Variants in ZNF277 observed in about 807,000 individuals in gnomAD.
ZNF277 encodes the protein zinc finger protein 277.
A neutral mutation model predicts 60.7 loss-of-function variants in ZNF277; 55 were observed. That is an observed-to-expected ratio of 0.91 (90% CI 0.73 to 1.13). The LOEUF (loss-of-function observed/expected upper bound fraction) is 1.13. Ranked by LOEUF, ZNF277 falls within the 50% of genes most tolerant of loss-of-function variation. The pLI is 0.00. For missense variants in ZNF277, 510 were observed against 523.0 expected, an observed-to-expected ratio of 0.98 and a Z score of 0.24; for synonymous variants, 178 against 179.3, an observed-to-expected ratio of 0.99 and a Z score of 0.06.
chr7:112,309,072 C>T lies in ZNF277; in HGVS notation c.466-9110C>T, dbSNP rs74678220. Reference sequence around the variant, plus strand: ...GGGTACCTTTTGAATGAAGGCTTTACGATCTACTTTAGGGGGAAAGGGGAA... The same window carrying T: ...GGGTACCTTTTGAATGAAGGCTTTATGATCTACTTTAGGGGGAAAGGGGAA... On this transcript the variant is annotated intron_variant, in intron 4 of 11. Transcript: ENST00000361822. 6.6e-3 allele frequency among the ~76,000 whole-genome samples: 1,002 copies of T among 152,094 alleles called. 11 individuals carry two copies. The highest frequency in any genetic ancestry group is 0.011 in the Non-Finnish European group (767 of 67,974).
intron 1 of ZNF277, among the ~76,000 whole-genome samples, chr7:112,234,937 T>C (rs371442731): frequency 3.3e-5 from 5 of 151,894 alleles, no homozygotes; most frequent in South Asian, 2.1e-4. Flanking sequence ...GTTGTAAACA[T>C]TGATTTGAAG....
intron 1 of ZNF277, among the ~76,000 whole-genome samples, chr7:112,274,300 AGT>A (rs918528455): frequency 6.6e-6 from 1 of 151,892 alleles, no homozygotes; most frequent in African/African-American, 2.4e-5. Context: ...TGGGACCACA[AGT>A]GTGTGCCACC....
At chr7:112,306,504 C>T (rs575853127) in intron 4 of ZNF277, among the ~76,000 whole-genome samples, 8 of 152,056 alleles carry the variant, frequency 5.3e-5, no homozygotes, top group African/African-American at 1.2e-4. Context: ...CGTGAGCCAC[C>T]GCCCCCAGCT....
chr7:112,242,571 AAAC>A (rs1426202719), intron 1 of ZNF277, among the ~76,000 whole-genome samples: 2,346 of 136,126 alleles, frequency 0.017, 30 homozygotes, highest in Non-Finnish European at 0.019. Context: ...AAAAAAAAAA[AAAC>A]AAAATAAAAT....
intron 4 of ZNF277, among the ~76,000 whole-genome samples, chr7:112,302,257 C>T (rs1189481993): frequency 6.6e-6 from 1 of 151,960 alleles, no homozygotes; most frequent in African/African-American, 2.4e-5. Context: ...ATGTGTCTCA[C>T]CTCTCCCCAC....
chr7:112,268,496 A>G (rs968436318), intron 1 of ZNF277, among the ~76,000 whole-genome samples: 2 of 152,086 alleles, frequency 1.3e-5, no homozygotes, highest in Non-Finnish European at 2.9e-5. Context: ...TTCTGTTTGC[A>G]TATGAGATCA....
chr7:112,278,616 C>T (rs1791870970), intron 1 of ZNF277, among the ~76,000 whole-genome samples: 1 of 152,074 alleles, frequency 6.6e-6, no homozygotes, highest in Non-Finnish European at 1.5e-5. Context: ...TTGATTAATT[C>T]ATTTTATGTT....
intron 1 of ZNF277, among the ~76,000 whole-genome samples, chr7:112,264,478 C>G (rs1791501951): frequency 6.6e-6 from 1 of 152,070 alleles, no homozygotes; most frequent in African/African-American, 2.4e-5. Context: ...ACCTAAGCAT[C>G]TAACCTGAAG....
intron 4 of ZNF277, among the ~76,000 whole-genome samples, chr7:112,306,932 T>C (rs574186156): frequency 2.1e-4 from 32 of 152,150 alleles, no homozygotes; most frequent in Non-Finnish European, 7.4e-5. Flanking sequence ...AGAACACTAA[T>C]ACACACTCAG....
At chr7:112,301,906 C>T (rs763807721) in intron 4 of ZNF277, among the ~76,000 whole-genome samples, 5 of 152,038 alleles carry the variant, frequency 3.3e-5, no homozygotes, top group Non-Finnish European at 7.4e-5. Context: ...GCCATATAGT[C>T]AAATATCCCT....
chr7:112,223,374 C>A (rs2116965435), intron 1 of ZNF277, among the ~76,000 whole-genome samples: 1 of 152,218 alleles, frequency 6.6e-6, no homozygotes, highest in East Asian at 1.9e-4. Context: ...GGCCTGGAGC[C>A]AAGTTAAAGG....
chr7:112,209,063 C>T (rs181963594), intron 1 of ZNF277, among the ~76,000 whole-genome samples: 2 of 152,132 alleles, frequency 1.3e-5, no homozygotes, highest in Non-Finnish European at 2.9e-5. Context: ...AGCAGTCTAT[C>T]ATAGAAACCC....
At chr7:112,265,410 C>T (rs1164966750) in intron 1 of ZNF277, among the ~76,000 whole-genome samples, 2 of 152,128 alleles carry the variant, frequency 1.3e-5, no homozygotes, top group African/African-American at 2.4e-5. Flanking sequence ...AGTTCACCAT[C>T]TTATATGGGC....
intron 1 of ZNF277, among the ~76,000 whole-genome samples, chr7:112,270,246 C>G (rs1167852029): frequency 2.0e-5 from 3 of 152,122 alleles, no homozygotes; most frequent in Non-Finnish European, 4.4e-5. Flanking sequence ...GGGGCACTTA[C>G]ATCAAATTGA....
At chr7:112,289,945 G>T (rs1321411830) in intron 2 of ZNF277, among the ~76,000 whole-genome samples, 1 of 151,832 alleles carries the variant, frequency 6.6e-6, no homozygotes, top group Non-Finnish European at 1.5e-5. Context: ...ACATTGTGCA[G>T]GTTAGTTACA....
chr7:112,269,063 T>C (rs1312019458), intron 1 of ZNF277, among the ~76,000 whole-genome samples: 3 of 152,170 alleles, frequency 2.0e-5, no homozygotes, highest in Admixed American at 2.0e-4. Flanking sequence ...TACACCTTGA[T>C]TTGTCAGTAT....
At chr7:112,303,352 G>T (rs967612394) in intron 4 of ZNF277, among the ~76,000 whole-genome samples, 3 of 152,036 alleles carry the variant, frequency 2.0e-5, no homozygotes, top group African/African-American at 7.2e-5. Context: ...TGTTTTCATT[G>T]TAAATAATTT....
chr7:112,288,448 TA>T (rs1318341871), intron 2 of ZNF277: 1 of 152,160 alleles, frequency 6.6e-6, no homozygotes, highest in African/African-American at 2.4e-5. Context: ...GCTGTATTAT[TA>T]AGAGCTGACT....
intron 1 of ZNF277, among the ~76,000 whole-genome samples, chr7:112,220,999 C>T (rs1010864574): frequency 6.6e-6 from 1 of 152,078 alleles, no homozygotes; most frequent in African/African-American, 2.4e-5. Context: ...TGTTTGTTAC[C>T]GCTCGAGCTG....
Sources: allele counts gnomAD v4.1 joint callset (sites outside exome capture counted in the v4.1 genomes callset), GRCh38; gene constraint gnomAD v4.1.1; transcripts MANE v1.5; gene names NCBI Gene and HGNC (gene_info 2026-07-23, HGNC 2026-07-21).